The following PTPRN2 variants were observed in gnomAD, a reference collection of about 807,000 sequenced individuals.
The protein encoded by PTPRN2 is protein tyrosine phosphatase receptor type N2.
A neutral mutation model predicts 118.8 loss-of-function variants in PTPRN2; 74 were observed. That is an observed-to-expected ratio of 0.62 (90% CI 0.52 to 0.76). The LOEUF (loss-of-function observed/expected upper bound fraction) is 0.76. Ranked by LOEUF, PTPRN2 falls within the 30% of genes least tolerant of loss-of-function variation. PTPRN2 has a pLI of 0.00. For missense variants in PTPRN2, 1,481 were observed against 1,394.4 expected (o/e 1.06, Z -0.99); for synonymous variants, 641 against 608.0 (o/e 1.05, Z -0.80).
intron 21 of PTPRN2, among the ~76,000 whole-genome samples, 167 bp from the exon 22 acceptor site, chr7:157,549,186 G>C (rs559818056): frequency 1.6e-4 from 25 of 152,340 alleles, no homozygotes; most frequent in African/African-American, 6.0e-4. Flanking sequence ...TGTTCATGTA[G>C]AAGACGAAGG....
chr7:158,480,550 C>T (rs1820580042), intron 2 of PTPRN2, among the ~76,000 whole-genome samples: 1 of 152,190 alleles, frequency 6.6e-6, no homozygotes, highest in African/African-American at 2.4e-5. Context: ...AATGATTAAA[C>T]TTAGTGAGGA....
Position 158,117,171 on chromosome 7 carries a change from T to C in PTPRN2, c.1557-6256A>G, listed in dbSNP as rs868787575. On this transcript the variant is annotated intron_variant, in intron 9 of 22. Coordinates refer to ENST00000389418, the MANE Select transcript of PTPRN2 (RefSeq NM_002847.5). ...AAATGCTTGAAGAACAAAAGAAAGATGTAAAGAAAGTCAGAAAAATTATGT... is the reference window on the plus strand; with the variant it reads ...AAATGCTTGAAGAACAAAAGAAAGACGTAAAGAAAGTCAGAAAAATTATGT... Among the ~76,000 whole-genome samples the C allele has an allele frequency of 5.3e-5, 8 of 151,738 alleles. No homozygotes were observed. The Admixed American group carries it at 5.3e-4, about 10-fold the overall frequency.
chr7:157,985,169 C>A (rs4716866), intron 11 of PTPRN2, among the ~76,000 whole-genome samples: 52,038 of 152,088 alleles, frequency 0.34, 9,199 homozygotes, highest in East Asian at 0.58. Context: ...GCCCTACTTG[C>A]ATTTAAGCCA....
rs11525761 is a variant in PTPRN2, at chr7:158,066,381, C to G, written c.1723+14917G>C. Among the ~76,000 whole-genome samples the G allele has an allele frequency of 3.5e-3, 526 of 152,318 alleles. 28 individuals are homozygous for G. The East Asian group carries it at 0.092, about 27-fold the overall frequency. On this transcript the variant is annotated intron_variant, in intron 11 of 22. Transcript: ENST00000389418. ...CTCAGGGCCAGGGCCGACAGGCACACTGACCTGCAGCATGGCTACCCCAGG... is the reference window on the plus strand; with the variant it reads ...CTCAGGGCCAGGGCCGACAGGCACAGTGACCTGCAGCATGGCTACCCCAGG...
intron 3 of PTPRN2, among the ~76,000 whole-genome samples, chr7:158,252,366 T>C (rs1796742221): frequency 6.6e-6 from 1 of 152,074 alleles, no homozygotes; most frequent in African/African-American, 2.4e-5. Context: ...GGTGTCACCG[T>C]TCGGATGGCT....
intron 3 of PTPRN2, among the ~76,000 whole-genome samples, chr7:158,282,178 CTT>C (rs5888743): frequency 2.1e-5 from 3 of 142,108 alleles, no homozygotes; most frequent in African/African-American, 5.2e-5. Flanking sequence ...GTGGCTCTGC[CTT>C]TTTTTTTTTT....
intron 1 of PTPRN2, among the ~76,000 whole-genome samples, chr7:158,538,401 C>A (rs1326081777): frequency 6.6e-6 from 1 of 152,240 alleles, no homozygotes; most frequent in African/African-American, 2.4e-5. Flanking sequence ...AATCCACTCG[C>A]AGGCGACCTC....
chr7:158,346,407 T>C (rs1189531693), intron 2 of PTPRN2, among the ~76,000 whole-genome samples: 7 of 152,238 alleles, frequency 4.6e-5, no homozygotes, highest in African/African-American at 1.4e-4. Flanking sequence ...TGTGCCTGGC[T>C]TATTTCACTC....
intron 12 of PTPRN2, among the ~76,000 whole-genome samples, chr7:157,736,884 G>A (rs1177078389): frequency 6.6e-6 from 1 of 152,202 alleles, no homozygotes; most frequent in African/African-American, 2.4e-5. Flanking sequence ...TTGGAGCCAA[G>A]GGGTAACAGT....
intron 2 of PTPRN2, among the ~76,000 whole-genome samples, chr7:158,366,344 G>A (rs1285190816): frequency 3.0e-5 from 4 of 132,024 alleles, no homozygotes; most frequent in Non-Finnish European, 4.7e-5. Flanking sequence ...CAGCATCCCC[G>A]GGAGAAGCCA....
intron 12 of PTPRN2, among the ~76,000 whole-genome samples, chr7:157,821,590 C>G (rs1362551222): frequency 1.3e-5 from 2 of 152,144 alleles, no homozygotes; most frequent in Non-Finnish European, 2.9e-5. Flanking sequence ...GGAGAGCCCA[C>G]AGTTGATGAG....
chr7:157,802,838 T>C (rs1392804093), intron 12 of PTPRN2, among the ~76,000 whole-genome samples: 2 of 152,268 alleles, frequency 1.3e-5, no homozygotes, highest in African/African-American at 4.8e-5. Flanking sequence ...TCTTTCCATG[T>C]ACAGTGTGTT....
intron 12 of PTPRN2, among the ~76,000 whole-genome samples, chr7:157,814,886 G>T (rs1158537765): frequency 6.6e-6 from 1 of 152,186 alleles, no homozygotes; most frequent in Non-Finnish European, 1.5e-5. Flanking sequence ...GCACAGAAGC[G>T]CACGAGTCCC....
intron 11 of PTPRN2, among the ~76,000 whole-genome samples, chr7:157,919,888 G>A (rs1212892038): frequency 2.6e-5 from 4 of 152,190 alleles, no homozygotes; most frequent in Non-Finnish European, 4.4e-5. Context: ...CACAGCCATC[G>A]TAAAGCCACA....
chr7:157,912,384 T>C (rs1563232863), intron 11 of PTPRN2, among the ~76,000 whole-genome samples: 1 of 152,218 alleles, frequency 6.6e-6, no homozygotes, highest in Non-Finnish European at 1.5e-5. Context: ...TCTTACTGCT[T>C]TGTAGAAGTT....
intron 11 of PTPRN2, among the ~76,000 whole-genome samples, chr7:158,056,889 G>A (rs1809832411): frequency 6.6e-6 from 1 of 152,232 alleles, no homozygotes; most frequent in South Asian, 2.1e-4. Flanking sequence ...AGCAGGTGCA[G>A]CTGTGCCACC....
At chr7:157,757,719 C>T (rs1801879367) in intron 12 of PTPRN2, among the ~76,000 whole-genome samples, 1 of 151,216 alleles carries the variant, frequency 6.6e-6, no homozygotes, top group African/African-American at 2.4e-5. Flanking sequence ...ATTATTATTG[C>T]AATTTAAAAA....
intron 10 of PTPRN2, among the ~76,000 whole-genome samples, chr7:158,105,147 C>T (rs1345689990): frequency 2.7e-5 from 4 of 149,450 alleles, no homozygotes; most frequent in Admixed American, 6.7e-5. Flanking sequence ...CCATCCTCAG[C>T]TTTATCTCAA....
chr7:158,023,338 G>A (rs1807041267), intron 11 of PTPRN2, among the ~76,000 whole-genome samples: 1 of 152,056 alleles, frequency 6.6e-6, no homozygotes, highest in Admixed American at 6.6e-5. Context: ...TCAGTCCCCA[G>A]GTGAGGCTCT....
Sources: gnomAD v4.1 joint callset for allele counts (sites outside exome capture counted in the v4.1 genomes callset) on GRCh38, gnomAD v4.1.1 for gene constraint, MANE v1.5 for transcripts, NCBI Gene and HGNC (gene_info 2026-07-23, HGNC 2026-07-21) for gene names.